RALYL: variants seen among roughly 807,000 people sequenced by gnomAD.
RALYL encodes the protein RALY RNA binding protein like.
RALYL carries 29 observed loss-of-function variants against 35.1 expected under a neutral mutation model. That is an observed-to-expected ratio of 0.83 (90% CI 0.61 to 1.13). The LOEUF (loss-of-function observed/expected upper bound fraction) is 1.13, where lower values mean the gene tolerates loss of function less well. Ranked by LOEUF, RALYL falls within the 50% of genes most tolerant of loss-of-function variation. RALYL has a pLI of 0.00. For synonymous variants in RALYL, 120 were observed against 127.6 expected, an observed-to-expected ratio of 0.94 and a Z score of 0.40; for missense variants, 359 against 360.4, an observed-to-expected ratio of 1.00 and a Z score of 0.03.
intron 1 of RALYL, among the ~76,000 whole-genome samples, chr8:84,217,841 A>G (rs1476108729): frequency 1.3e-5 from 2 of 152,142 alleles, no homozygotes; most frequent in Non-Finnish European, 2.9e-5. Flanking sequence ...AATTTCCCAC[A>G]AACTAGTTCT....
chr8:84,190,487 A>G (rs1035925614), intron 1 of RALYL, among the ~76,000 whole-genome samples: 2 of 152,202 alleles, frequency 1.3e-5, no homozygotes, highest in Non-Finnish European at 2.9e-5. Context: ...ACATGATGAG[A>G]TGGATTTTTA....
intron 7 of RALYL, among the ~76,000 whole-genome samples, chr8:84,882,856 A>C (rs1417009865): frequency 6.6e-6 from 1 of 152,002 alleles, no homozygotes; most frequent in East Asian, 1.9e-4. Flanking sequence ...CATCTCCAAG[A>C]AAAGTAAAAT....
At chr8:84,386,922 G>A (rs1334624279) in intron 1 of RALYL, among the ~76,000 whole-genome samples, 1 of 151,770 alleles carries the variant, frequency 6.6e-6, no homozygotes, top group Non-Finnish European at 1.5e-5. Context: ...AATCCTCTGG[G>A]GAAGCCAGTG....
intron 1 of RALYL, among the ~76,000 whole-genome samples, chr8:84,494,246 C>A (rs1375952971): frequency 6.6e-6 from 1 of 152,084 alleles, no homozygotes; most frequent in Non-Finnish European, 1.5e-5. Context: ...GGTCTCTATT[C>A]TGTTCCATTG....
chr8:84,549,482 G>T (rs150509877), intron 2 of RALYL, among the ~76,000 whole-genome samples: 195 of 152,284 alleles, frequency 1.3e-3, no homozygotes, highest in African/African-American at 4.3e-3. Flanking sequence ...AGAGGACAAG[G>T]GGCTAGGGCT....
intron 1 of RALYL, among the ~76,000 whole-genome samples, chr8:84,369,464 A>T (rs1855233006): frequency 6.6e-6 from 1 of 152,072 alleles, no homozygotes; most frequent in Admixed American, 6.6e-5. Flanking sequence ...CTGACTGTGA[A>T]TTCTCTCTTC....
intron 2 of RALYL, among the ~76,000 whole-genome samples, chr8:84,555,091 C>T (rs1220200206): frequency 6.6e-6 from 1 of 152,082 alleles, no homozygotes; most frequent in Non-Finnish European, 1.5e-5. Flanking sequence ...CCAGCCTGAC[C>T]AACATGGTGA....
intron 7 of RALYL, among the ~76,000 whole-genome samples, chr8:84,880,849 A>T (rs566501563): frequency 1.3e-4 from 20 of 152,040 alleles, no homozygotes; most frequent in African/African-American, 4.8e-4. Flanking sequence ...TGGAAAACAG[A>T]TTTACATTAT....
chr8:84,698,085 T>C (rs1477913008), intron 2 of RALYL, among the ~76,000 whole-genome samples: 1 of 152,114 alleles, frequency 6.6e-6, no homozygotes, highest in Non-Finnish European at 1.5e-5. Context: ...TATCATGAAC[T>C]GGGTACAGTT....
At chr8:84,847,100 G>A (rs1465909809) in intron 4 of RALYL, among the ~76,000 whole-genome samples, 1 of 152,182 alleles carries the variant, frequency 6.6e-6, no homozygotes, top group Non-Finnish European at 1.5e-5. Flanking sequence ...AAAGTCTTGG[G>A]AGATGGGCAC....
chr8:84,365,967 A>G (rs1248185272), intron 1 of RALYL, among the ~76,000 whole-genome samples: 2 of 152,184 alleles, frequency 1.3e-5, no homozygotes, highest in African/African-American at 4.8e-5. Context: ...CCACTCATAG[A>G]TGCTTCACTG....
intron 1 of RALYL, among the ~76,000 whole-genome samples, chr8:84,189,832 CA>C (rs1347598716): frequency 1.3e-5 from 2 of 152,086 alleles, no homozygotes; most frequent in Non-Finnish European, 2.9e-5. Context: ...GAGTGCTTTC[CA>C]CTAGTGAGTG....
intron 1 of RALYL, among the ~76,000 whole-genome samples, chr8:84,496,502 G>A (rs2056037736): frequency 6.6e-6 from 1 of 151,978 alleles, no homozygotes; most frequent in Non-Finnish European, 1.5e-5. Flanking sequence ...TCACAACCAT[G>A]GCATTATTGG....
At chr8:84,659,857 TTTGAAG>T (rs1284205722) in intron 2 of RALYL, among the ~76,000 whole-genome samples, 14 of 152,250 alleles carry the variant, frequency 9.2e-5, no homozygotes, top group Non-Finnish European at 1.9e-4. Context: ...TAACCGATAT[TTTGAAG>T]TTGAAGATGA....
chr8:84,389,353 A>C (rs1234808729), intron 1 of RALYL, among the ~76,000 whole-genome samples: 1 of 152,026 alleles, frequency 6.6e-6, no homozygotes, highest in African/African-American at 2.4e-5. Context: ...CATGAACTTT[A>C]AAGTAGTTTT....
intron 2 of RALYL, among the ~76,000 whole-genome samples, chr8:84,731,726 T>C (rs1271840585): frequency 6.6e-6 from 1 of 152,096 alleles, no homozygotes; most frequent in Non-Finnish European, 1.5e-5. Context: ...AACCTAGTCT[T>C]CACATTCTGC....
At chr8:84,749,724 G>A (rs374089700) in intron 2 of RALYL, among the ~76,000 whole-genome samples, 1 of 152,146 alleles carries the variant, frequency 6.6e-6, no homozygotes, top group Non-Finnish European at 1.5e-5. Context: ...TGAGTCTAGG[G>A]AGACAACACA....
chr8:84,494,870 C>G (rs1192439119), intron 1 of RALYL, among the ~76,000 whole-genome samples: 1 of 152,082 alleles, frequency 6.6e-6, no homozygotes, highest in Non-Finnish European at 1.5e-5. Flanking sequence ...TCCTCTCTCC[C>G]TATTTGAATA....
chr8:84,252,276 T>C (rs1830339877), intron 1 of RALYL, among the ~76,000 whole-genome samples: 2 of 152,282 alleles, frequency 1.3e-5, no homozygotes, highest in East Asian at 1.9e-4. Context: ...ATTTTATTTA[T>C]AGGTAGCCAG....
Sources: allele counts gnomAD v4.1 joint callset (sites outside exome capture counted in the v4.1 genomes callset), GRCh38; gene constraint gnomAD v4.1.1; transcripts MANE v1.5; gene names NCBI Gene and HGNC (gene_info 2026-07-23, HGNC 2026-07-21).